The following SLC22A3 variants were observed in gnomAD, a reference collection of about 807,000 sequenced individuals.
The protein encoded by SLC22A3 is EMT organic cation transporter 3.
A neutral mutation model predicts 59.1 loss-of-function variants in SLC22A3; 51 were observed. That is an observed-to-expected ratio of 0.86 (90% CI 0.69 to 1.09). The LOEUF (loss-of-function observed/expected upper bound fraction) is 1.09. Among genes scored for constraint, SLC22A3 ranks in the 50% least tolerant of loss-of-function variants. SLC22A3 has a pLI of 0.00. For missense variants in SLC22A3, 711 were observed against 726.3 expected (o/e 0.98, Z 0.24); for synonymous variants, 325 against 292.0 (o/e 1.11, Z -1.15).
intron 1 of SLC22A3, among the ~76,000 whole-genome samples, chr6:160,366,368 A>T (rs749877390): frequency 1.3e-5 from 2 of 152,236 alleles, no homozygotes; most frequent in African/African-American, 2.4e-5. Context: ...TACAAGCCAC[A>T]TCCAGGTTAC....
rs76509522 is a variant in SLC22A3, at chr6:160,371,680, T to A, written c.429+22832T>A. The stretch of plus-strand genomic sequence containing the variant: ...GTGTTTCTAGTAGAGTGATTTATAA[T>A]CCTTTGGGTATGTACCCAGTAGTGA... On this transcript the variant is annotated intron_variant, in intron 1 of 10. Transcript: ENST00000275300. 5.5e-4 allele frequency among the ~76,000 whole-genome samples: 84 copies of A among 152,316 alleles called. 1 individual carries two copies. The highest frequency in any genetic ancestry group is 2.0e-3 in the African/African-American group (83 of 41,570).
chr6:160,359,768 T>A (rs1417931940), intron 1 of SLC22A3, among the ~76,000 whole-genome samples: 3 of 152,226 alleles, frequency 2.0e-5, no homozygotes, highest in Admixed American at 2.0e-4. Flanking sequence ...GCATTCACAA[T>A]GGAAGCTGTT....
At chr6:160,373,975 A>G (rs1203916186) in intron 1 of SLC22A3, among the ~76,000 whole-genome samples, 1 of 152,150 alleles carries the variant, frequency 6.6e-6, no homozygotes, top group East Asian at 1.9e-4. Context: ...GAGTTAAACC[A>G]CTTGGCTCCC....
chr6:160,370,392 TTCCCTGCATATGTGGGTATCCACGTGAA>T (rs1398894388), intron 1 of SLC22A3, among the ~76,000 whole-genome samples: 2 of 152,340 alleles, frequency 1.3e-5, no homozygotes, highest in African/African-American at 4.8e-5. Flanking sequence ...TGTGGGCACT[TTCCCTGCATATGTGGGTATCCACGTGAA>T]TGTCTCTTCA....
chr6:160,418,179 C>A (rs2665358), intron 5 of SLC22A3, among the ~76,000 whole-genome samples: 40,731 of 151,964 alleles, frequency 0.27, 5,734 homozygotes, highest in East Asian at 0.45. Context: ...TGAGCACCAT[C>A]CAGTTGGCTG....
chr6:160,433,703 T>C (rs1788238368), intron 5 of SLC22A3, among the ~76,000 whole-genome samples: 2 of 152,004 alleles, frequency 1.3e-5, no homozygotes, highest in Non-Finnish European at 2.9e-5. Context: ...AGAGACCCTA[T>C]CTCAAAAAAA....
intron 5 of SLC22A3, among the ~76,000 whole-genome samples, chr6:160,433,810 T>C (rs147901392): frequency 6.2e-4 from 95 of 152,264 alleles, no homozygotes; most frequent in Non-Finnish European, 1.2e-3. Flanking sequence ...CTCTGGGATG[T>C]TGGAACTGGA....
intron 1 of SLC22A3, among the ~76,000 whole-genome samples, chr6:160,366,510 T>G (rs1419415008): frequency 2.6e-5 from 4 of 152,182 alleles, no homozygotes. Context: ...CGGTGCAAGC[T>G]GTCAGTGAAT....
Position 160,348,482 on chromosome 6 carries a change from GT to G in SLC22A3, c.68del (p.Leu23CysfsTer5). On this transcript the variant is annotated frameshift_variant, in exon 1 of 11. Coordinates refer to ENST00000275300, the MANE Select transcript of SLC22A3 (RefSeq NM_021977.4). LOFTEE classifies it high-confidence loss of function. The part of the protein sequence containing the change: ...GEFGRFQRRV[F>X]LLLCLTGVTF... ...AGTTCGGGCGCTTCCAGAGGCGCGT[GT>G]TTTTGCTGCTGTGCCTGACGGGCGT... The G allele has an allele frequency of 2.6e-6, 4 of 1,552,166 alleles. No homozygotes were observed. Among genetic ancestry groups the G allele is most frequent in the East Asian group, 2.6e-5 (1 of 38,486 alleles).
At chr6:160,436,727 C>G in intron 5 of SLC22A3, 53 bp from the exon 6 acceptor site, 1 of 1,126,612 alleles carries the variant, frequency 8.9e-7, no homozygotes, top group Non-Finnish European at 1.3e-6. Flanking sequence ...CTATACTATG[C>G]AGGTTTTTTT....
At chr6:160,356,325 A>C (rs115511418) in intron 1 of SLC22A3, among the ~76,000 whole-genome samples, 1 of 152,334 alleles carries the variant, frequency 6.6e-6, no homozygotes, top group African/African-American at 2.4e-5. Context: ...CTTGACTCCT[A>C]TCTGCTCATG....
chr6:160,443,606 T>G (rs766284401), intron 8 of SLC22A3, 24 bp from the exon 9 acceptor site: 1 of 1,505,960 alleles, frequency 6.6e-7, no homozygotes, highest in South Asian at 1.1e-5. Context: ...TAGTTTTCAC[T>G]TAAAATTACT....
intron 1 of SLC22A3, among the ~76,000 whole-genome samples, chr6:160,355,865 C>T (rs1176902735): frequency 6.6e-6 from 1 of 152,280 alleles, no homozygotes; most frequent in South Asian, 2.1e-4. Context: ...TCCAGACACA[C>T]CTTCCCCACT....
chr6:160,394,966 C>G (rs912628340), intron 1 of SLC22A3, among the ~76,000 whole-genome samples: 8 of 152,156 alleles, frequency 5.3e-5, no homozygotes, highest in Non-Finnish European at 8.8e-5. Context: ...TGATTTTGCA[C>G]TAGCTCCCTA....
intron 5 of SLC22A3, among the ~76,000 whole-genome samples, chr6:160,423,197 T>C (rs1583499876): frequency 6.6e-6 from 1 of 152,230 alleles, no homozygotes; most frequent in Non-Finnish European, 1.5e-5. Flanking sequence ...TTCCATGGTG[T>C]ACATGTGCCA....
intron 9 of SLC22A3, 106 bp downstream of exon 9, chr6:160,443,848 C>T (rs1788643259): frequency 9.9e-6 from 5 of 506,042 alleles, no homozygotes; most frequent in Non-Finnish European, 1.7e-5. Flanking sequence ...AGTCATTTAT[C>T]TTATTATAAT....
Position 160,451,002 on chromosome 6 carries a change from T to G in SLC22A3, c.1617T>G (p.His539Gln). 6.3e-7 allele frequency: 1 copy of G among 1,591,830 alleles called. No homozygotes were observed. Among genetic ancestry groups the G allele is most frequent in the South Asian group, 1.1e-5 (1 of 87,590 alleles). Residue 539 changes from histidine to glutamine, a missense_variant, in exon 11 of 11, where the codon CAT becomes CAG. By Grantham distance (24) the His-to-Gln change is conservative. Transcript: ENST00000275300. ...VDDVEKLGSPHSCKCGRNKKT... is the reference protein window; with the variant it reads ...VDDVEKLGSPQSCKCGRNKKT... ...TTCTCCTTTGTTTTTTCAGTCCACA[T>G]TCCTGTAAATGTGGCAGGAATAAGA...
chr6:160,405,063 T>C (rs1605964), intron 2 of SLC22A3, among the ~76,000 whole-genome samples: 70,557 of 151,810 alleles, frequency 0.46, 16,695 homozygotes, highest in East Asian at 0.57. Flanking sequence ...TTCATTAAAA[T>C]TGAAATTTTC....
In SLC22A3 at chr6:160,451,613, G is replaced by C. The variant is rs1173889183; in HGVS notation, c.*557G>C. On this transcript the variant is annotated 3_prime_UTR_variant, in exon 11 of 11. Transcript: ENST00000275300. Reference sequence around the variant, plus strand: ...AGCATTCATGTTCTCTGCTCACCTTGGTTTCCGCACACCTTCGCAATGTGA... The same window carrying C: ...AGCATTCATGTTCTCTGCTCACCTTCGTTTCCGCACACCTTCGCAATGTGA... 1.3e-5 allele frequency: 2 copies of C among 159,068 alleles called. No homozygotes were observed. The highest frequency in any genetic ancestry group is 1.2e-4 in the Admixed American group (2 of 16,856). The allele number at this position is 159,068 out of a possible 1,614,324, so 9.9% of individuals were successfully genotyped here. A position where few individuals can be genotyped will look rare whatever the true frequency, so the allele number is the denominator to read the frequency against.
Sources: gnomAD v4.1 joint callset for allele counts (sites outside exome capture counted in the v4.1 genomes callset) on GRCh38, gnomAD v4.1.1 for gene constraint, MANE v1.5 for transcripts, NCBI Gene and HGNC (gene_info 2026-07-23, HGNC 2026-07-21) for gene names.